Variants in LAMP2 observed in about 807,000 individuals in gnomAD.
The protein encoded by LAMP2 is lysosome-associated membrane glycoprotein 2.
Under a neutral mutation model 25.6 loss-of-function variants are expected in LAMP2, and 4 were observed. The observed-to-expected ratio is 0.16, with a 90% CI of 0.08 to 0.36. The LOEUF is 0.36. LAMP2 is among the 10% of genes least tolerant of loss of function. The pLI, the probability that LAMP2 is intolerant of heterozygous loss-of-function variation, is 1.00. For missense variants in LAMP2, 272 were observed against 301.4 expected, an observed-to-expected ratio of 0.90 and a Z score of 0.72; for synonymous variants, 108 against 112.7, an observed-to-expected ratio of 0.96 and a Z score of 0.27.
chrX:120,462,769 T>C (rs1261036395), intron 1 of LAMP2, among the ~76,000 whole-genome samples: 1 of 111,859 alleles, frequency 8.9e-6, no homozygotes, highest in Admixed American at 9.5e-5. Context: ...GAGTCCCCAT[T>C]CCTGGAGTGG....
intron 8 of LAMP2, among the ~76,000 whole-genome samples, chrX:120,436,170 A>ACACACACACACTCT (rs1251901451): frequency 2.4e-3 from 136 of 57,292 alleles, no homozygotes; most frequent in African/African-American, 6.6e-3. Flanking sequence ...ACACACACAC[A>ACACACACACACTCT]CTCTCTCTCT....
At chrX:120,452,006 C>T (rs1467490528) in intron 3 of LAMP2, among the ~76,000 whole-genome samples, 3 of 111,368 alleles carry the variant, frequency 2.7e-5, no homozygotes, top group Non-Finnish European at 3.8e-5. Flanking sequence ...TAACTGCTAA[C>T]AACTGATGCC....
intron 6 of LAMP2, among the ~76,000 whole-genome samples, chrX:120,445,464 A>G (rs1353057404): frequency 8.9e-6 from 1 of 112,417 alleles, no homozygotes; most frequent in Non-Finnish European, 1.9e-5. Context: ...TTATTTCCCC[A>G]TCCCCAAACA....
intron 8 of LAMP2, among the ~76,000 whole-genome samples, chrX:120,440,487 A>T (rs2058567022): frequency 8.9e-6 from 1 of 112,219 alleles, no homozygotes; most frequent in Admixed American, 9.4e-5. Flanking sequence ...TAGATTATAC[A>T]TTCAATATCA....
At chrX:120,456,624 C>G in intron 2 of LAMP2, 27 bp downstream of exon 2, 1 of 805,307 alleles carries the variant, frequency 1.2e-6, no homozygotes, top group Non-Finnish European at 1.8e-6. Context: ...CTATAAAACT[C>G]AAAGAAAAAT....
chrX:120,463,103 G>A (rs1167863220), intron 1 of LAMP2, among the ~76,000 whole-genome samples: 1 of 111,733 alleles, frequency 8.9e-6, no homozygotes, highest in African/African-American at 3.3e-5. Context: ...AGGACACAGA[G>A]GCATACGGTA....
intron 8 of LAMP2, chrX:120,439,014 T>C: frequency 9.1e-7 from 1 of 1,094,046 alleles, no homozygotes; most frequent in Non-Finnish European, 1.2e-6. Context: ...GATAGTTTTT[T>C]GTTTAAGTTT....
Position 120,431,049 on chromosome X carries a change from G to T in LAMP2, c.*274C>A. On this transcript the variant is annotated 3_prime_UTR_variant, in exon 9 of 9. Transcript: ENST00000200639. ...ACTTCAAGGTTAGGATCAAAATTTGGCCAGGGCTTCTTAAGATAGACCTTA... is the reference window on the plus strand; with the variant it reads ...ACTTCAAGGTTAGGATCAAAATTTGTCCAGGGCTTCTTAAGATAGACCTTA... The T allele has an allele frequency of 2.2e-6, 2 of 922,943 alleles. No homozygotes were observed. The highest frequency in any genetic ancestry group is 2.7e-6 in the Non-Finnish European group (2 of 742,761). The allele number at this position is 922,943 out of a possible 1,213,427, so 76.1% of individuals were successfully genotyped here.
chrX:120,453,458 C>T (rs1382320372), intron 3 of LAMP2, among the ~76,000 whole-genome samples: 1 of 111,852 alleles, frequency 8.9e-6, no homozygotes, highest in African/African-American at 3.3e-5. Context: ...CTACAAATAC[C>T]ACATTAACTC....
At chrX:120,447,280 C>T (rs908158565) in intron 5 of LAMP2, among the ~76,000 whole-genome samples, 1 of 111,467 alleles carries the variant, frequency 9.0e-6, no homozygotes, top group Non-Finnish European at 1.9e-5. Context: ...TGGCAGTGCA[C>T]GCCTGTAACC....
At chrX:120,452,073 C>T (rs2058623538) in intron 3 of LAMP2, among the ~76,000 whole-genome samples, 2 of 110,871 alleles carry the variant, frequency 1.8e-5, no homozygotes, top group Non-Finnish European at 3.8e-5. Context: ...GCTTCTTAAG[C>T]CAGCATCTCT....
Position 120,429,657 on chromosome X carries a change from C to T in LAMP2, c.*1666G>A, listed in dbSNP as rs951483166. 2 of 753,106 alleles carry T rather than the reference C, an allele frequency of 2.7e-6. No individual in the cohort carries two copies. The highest frequency in any genetic ancestry group is 3.1e-6 in the Non-Finnish European group (2 of 638,951). 62.1% of individuals were successfully genotyped at this position (753,106 alleles called of 1,213,427 possible). ...CTTAAGCAAAACATAGTACGGAAGC[C>T]CAAAGTGCCCAATTCTGATCTCATA... is the stretch of plus-strand genomic sequence containing the variant. On this transcript the variant is annotated 3_prime_UTR_variant, in exon 9 of 9. Transcript: ENST00000200639.
In LAMP2 at chrX:120,438,563, A is replaced by G. The variant is rs753912996; in HGVS notation, c.1093+3167T>C. ...GCCACATAAATACAAATGTATTCAA[A>G]AGGCATTAGAAAAGCATTTATTGCT... On this transcript the variant is annotated intron_variant, in intron 8 of 8. Transcript: ENST00000200639. 1.1e-5 allele frequency: 8 copies of G among 750,343 alleles called. No individual in the cohort carries two copies. The South Asian group carries it at 4.8e-4, about 45-fold the overall frequency. The allele number at this position is 750,343 out of a possible 1,213,427, so 61.8% of individuals were successfully genotyped here. A position where few individuals can be genotyped will look rare whatever the true frequency, so the allele number is the denominator to read the frequency against.
In LAMP2 at chrX:120,429,172, A is replaced by ATG. The variant is rs1271545550; in HGVS notation, c.*2150_*2151insCA. On this transcript the variant is annotated 3_prime_UTR_variant, in exon 9 of 9. Coordinates refer to ENST00000200639, the MANE Select transcript of LAMP2 (RefSeq NM_002294.3). ...TGTGTGTGTGTGTACATATATATAT[A>ATG]TATACACACACACACAATTATTTTT... 4.7e-5 allele frequency: 35 copies of ATG among 741,154 alleles called. No individual in the cohort carries two copies. The South Asian group carries it at 1.4e-3, about 29-fold the overall frequency. The allele number at this position is 741,154 out of a possible 1,213,427, so 61.1% of individuals were successfully genotyped here.
intron 5 of LAMP2, 21 bp from the exon 6 acceptor site, chrX:120,446,448 G>A: frequency 2.5e-6 from 3 of 1,207,620 alleles, no homozygotes; most frequent in Non-Finnish European, 3.4e-6. Context: ...AGAAGAAAGG[G>A]AAAAGGTACA....
In LAMP2 at chrX:120,428,188, CA is replaced by C. The variant is rs1367071084; in HGVS notation, c.*3134del. On this transcript the variant is annotated 3_prime_UTR_variant, in exon 9 of 9. Coordinates refer to ENST00000200639, the MANE Select transcript of LAMP2 (RefSeq NM_002294.3). ...AACTGTAACATATAAAATTACACAT[CA>C]GCAAAAATGCTTTCATAATTGGATC... The C allele has an allele frequency of 5.6e-6, 1 of 179,523 alleles. No individual in the cohort carries two copies. The highest frequency in any genetic ancestry group is 1.1e-4 in the East Asian group (1 of 9,306). 14.8% of individuals were successfully genotyped at this position (179,523 alleles called of 1,213,427 possible). A position where few individuals can be genotyped will look rare whatever the true frequency, so the allele number is the denominator to read the frequency against.
chrX:120,426,380 TG>T lies in LAMP2; in HGVS notation c.*4942del, dbSNP rs2058499080. 9.2e-6 allele frequency among the ~76,000 whole-genome samples: 1 copy of T among 108,918 alleles called. No homozygotes were observed. The highest frequency in any genetic ancestry group is 3.3e-5 in the African/African-American group (1 of 29,865). The allele number at this position is 108,918 out of a possible 115,157, so 94.6% of individuals were successfully genotyped here. ...AAAGTCGTACTGTCTGATCCACTGTTGTATTGACATAAAATTGAACTCAGTA... is the reference window on the plus strand; with the variant it reads ...AAAGTCGTACTGTCTGATCCACTGTTTATTGACATAAAATTGAACTCAGTA... On this transcript the variant is annotated 3_prime_UTR_variant, in exon 9 of 9. Coordinates refer to ENST00000200639, the MANE Select transcript of LAMP2 (RefSeq NM_002294.3).
At chrX:120,450,129 A>C (rs1415201030) in intron 3 of LAMP2, among the ~76,000 whole-genome samples, 1 of 112,276 alleles carries the variant, frequency 8.9e-6, no homozygotes, top group Admixed American at 9.4e-5. Context: ...CGCTTCCTGG[A>C]TTACATTTAA....
chrX:120,459,240 G>A (rs1307237385), intron 1 of LAMP2, among the ~76,000 whole-genome samples: 4 of 111,721 alleles, frequency 3.6e-5, no homozygotes, highest in African/African-American at 1.3e-4. Context: ...GATTTTGCTC[G>A]CTTTTTGGCT....
Sources: allele counts gnomAD v4.1 joint callset (sites outside exome capture counted in the v4.1 genomes callset), GRCh38; gene constraint gnomAD v4.1.1; transcripts MANE v1.5; gene names NCBI Gene and HGNC (gene_info 2026-07-23, HGNC 2026-07-21).